CERS6: variants seen among roughly 807,000 people sequenced by gnomAD.
The protein encoded by CERS6 is LAG1 homolog, ceramide synthase 6.
In CERS6, 26 loss-of-function variants were observed where a neutral mutation model predicts 56.8. The ratio of observed to expected loss-of-function variants is 0.46; its 90% CI spans 0.34 to 0.63. The LOEUF (loss-of-function observed/expected upper bound fraction) is 0.63, where lower values mean the gene tolerates loss of function less well. CERS6 is among the 30% of genes least tolerant of loss of function. The pLI, the probability that CERS6 is intolerant of heterozygous loss-of-function variation, is 0.01. For synonymous variants in CERS6, 164 were observed against 173.3 expected (o/e 0.95, Z 0.42); for missense variants, 415 against 467.5 (o/e 0.89, Z 1.04).
chr2:168,766,474 G>A (rs1684734999), intron 9 of CERS6: 1 of 819,188 alleles, frequency 1.2e-6, no homozygotes, highest in Non-Finnish European at 2.1e-6. Context: ...GAGGCTTCAT[G>A]TGAGCTGTAG....
At chr2:168,644,462 A>G (rs1022264210) in intron 4 of CERS6, 3 of 545,722 alleles carry the variant, frequency 5.5e-6, no homozygotes, top group Non-Finnish European at 2.3e-6. Context: ...GGGAAAGCAT[A>G]AAGAAATGAC....
intron 6 of CERS6, among the ~76,000 whole-genome samples, chr2:168,701,179 A>T (rs1225433041): frequency 6.6e-6 from 1 of 152,208 alleles, no homozygotes; most frequent in Non-Finnish European, 1.5e-5. Flanking sequence ...GTAATGAGTA[A>T]GAAATAAGCC....
chr2:168,477,015 G>A (rs531746191), intron 1 of CERS6, among the ~76,000 whole-genome samples: 1 of 152,178 alleles, frequency 6.6e-6, no homozygotes, highest in Admixed American at 6.5e-5. Context: ...GTAAACAACA[G>A]AAATTTATTT....
chr2:168,578,234 T>G (rs896510611), intron 3 of CERS6, among the ~76,000 whole-genome samples: 28 of 152,054 alleles, frequency 1.8e-4, no homozygotes, highest in Admixed American at 8.5e-4. Flanking sequence ...AAGTCTCTTA[T>G]GTCCCTCAGT....
intron 3 of CERS6, among the ~76,000 whole-genome samples, chr2:168,622,995 T>C (rs1232058127): frequency 6.6e-6 from 1 of 152,196 alleles, no homozygotes; most frequent in Non-Finnish European, 1.5e-5. Flanking sequence ...TTAAGACATA[T>C]GGGATGTTTT....
intron 4 of CERS6, among the ~76,000 whole-genome samples, chr2:168,638,918 C>T (rs1366962629): frequency 1.3e-5 from 2 of 152,130 alleles, no homozygotes; most frequent in Non-Finnish European, 2.9e-5. Flanking sequence ...GTGGCTGCTG[C>T]ATTCTGAGTT....
At position 168,459,214 on chromosome 2, in the gene CERS6, AT is replaced by A. The variant is rs1236125325; in HGVS notation, c.170+2600del. ...GAAATACCCGATTATCCAAGTCTTTATTTTACATTAAGTGAAGTCAGTAATG... is the reference window on the plus strand; with the variant it reads ...GAAATACCCGATTATCCAAGTCTTTATTTACATTAAGTGAAGTCAGTAATG... On this transcript the variant is annotated intron_variant, in intron 1 of 9. Transcript: ENST00000305747. Among the ~76,000 whole-genome samples the A allele has an allele frequency of 8.5e-5, 13 of 152,330 alleles. No homozygotes were observed. In the East Asian group the frequency reaches 2.5e-3, roughly 29 times the overall value.
At chr2:168,710,936 T>C (rs980750003) in intron 6 of CERS6, among the ~76,000 whole-genome samples, 1 of 152,226 alleles carries the variant, frequency 6.6e-6, no homozygotes, top group Non-Finnish European at 1.5e-5. Context: ...AGTTCTGCCA[T>C]GGGCAGTTAG....
At chr2:168,710,696 G>A (rs1178261943) in intron 6 of CERS6, among the ~76,000 whole-genome samples, 1 of 152,104 alleles carries the variant, frequency 6.6e-6, no homozygotes, top group African/African-American at 2.4e-5. Context: ...AAGGCATTTT[G>A]GTATTGTCTA....
At chr2:168,551,004 A>G (rs971143095) in intron 2 of CERS6, among the ~76,000 whole-genome samples, 8 of 152,216 alleles carry the variant, frequency 5.3e-5, no homozygotes, top group African/African-American at 1.4e-4. Context: ...GGGACTGTGT[A>G]TGAGCCAAGA....
intron 3 of CERS6, among the ~76,000 whole-genome samples, chr2:168,625,184 C>T (rs554295457): frequency 1.4e-4 from 22 of 152,220 alleles, no homozygotes; most frequent in Non-Finnish European, 2.1e-4. Context: ...AAATCGATTT[C>T]AGAATCAAAA....
chr2:168,643,927 G>A (rs1242605372), intron 4 of CERS6, among the ~76,000 whole-genome samples: 1 of 152,128 alleles, frequency 6.6e-6, no homozygotes, highest in East Asian at 1.9e-4. Flanking sequence ...ATATCTTTGG[G>A]TGCCATTATT....
intron 1 of CERS6, among the ~76,000 whole-genome samples, chr2:168,512,669 CTT>C (rs35756766): frequency 1.6e-4 from 21 of 130,940 alleles, no homozygotes; most frequent in Non-Finnish European, 1.9e-4. Context: ...ATTTTCTTTT[CTT>C]TTTTTTTTTT....
chr2:168,603,213 C>T (rs1468201937), intron 3 of CERS6, among the ~76,000 whole-genome samples: 1 of 152,126 alleles, frequency 6.6e-6, no homozygotes, highest in Non-Finnish European at 1.5e-5. Context: ...GTATATGCCC[C>T]AAGGCCTCAT....
At chr2:168,499,939 G>A (rs899528068) in intron 1 of CERS6, among the ~76,000 whole-genome samples, 1 of 152,084 alleles carries the variant, frequency 6.6e-6, no homozygotes, top group Non-Finnish European at 1.5e-5. Flanking sequence ...ATGGAGAAGG[G>A]GGCTGCTCAG....
chr2:168,558,613 T>TA (rs1449545487), intron 2 of CERS6, among the ~76,000 whole-genome samples: 4 of 152,378 alleles, frequency 2.6e-5, no homozygotes, highest in African/African-American at 9.6e-5. Context: ...CTCACGCCTG[T>TA]AATCCCAGCA....
chr2:168,456,327 G>A lies in CERS6; in HGVS notation c.-122G>A. The A allele has an allele frequency of 2.0e-6, 1 of 505,402 alleles. No individual in the cohort carries two copies. Among genetic ancestry groups the A allele is most frequent in the Non-Finnish European group, 2.8e-6 (1 of 359,798 alleles). The allele number at this position is 505,402 out of a possible 1,614,324, so 31.3% of individuals were successfully genotyped here. ...GCCGCGGAGGAGGCGGCGGCGGCGG[G>A]CGGGAGCAGCGGCGGCGGCGGCACA... On this transcript the variant is annotated 5_prime_UTR_variant, in exon 1 of 10. Transcript: ENST00000305747. This position sits in a 1 kb window ranked among gnomAD's most constrained non-coding sequence, Gnocchi z 4.1.
At chr2:168,727,404 C>T (rs1683381771) in intron 8 of CERS6, among the ~76,000 whole-genome samples, 1 of 151,970 alleles carries the variant, frequency 6.6e-6, no homozygotes, top group Admixed American at 6.6e-5. Flanking sequence ...CATAAATTAG[C>T]CGGGTGTGGT....
intron 1 of CERS6, among the ~76,000 whole-genome samples, chr2:168,498,031 A>G (rs1266463592): frequency 6.6e-6 from 1 of 152,176 alleles, no homozygotes; most frequent in African/African-American, 2.4e-5. Context: ...CTGATAGGCT[A>G]TTCTAGCCAG....
Sources: gnomAD v4.1 joint callset for allele counts (sites outside exome capture counted in the v4.1 genomes callset) on GRCh38, gnomAD v4.1.1 for gene constraint, Gnocchi (gnomAD v3.1) non-coding constraint, MANE v1.5 for transcripts, NCBI Gene and HGNC (gene_info 2026-07-23, HGNC 2026-07-21) for gene names.